CIZ1: variants seen among roughly 807,000 people sequenced by gnomAD.
CIZ1 encodes CDKN1A interacting zinc finger protein 1.
In CIZ1, 58 loss-of-function variants were observed where a neutral mutation model predicts 118.6. The ratio of observed to expected loss-of-function variants is 0.49; its 90% CI spans 0.40 to 0.61. CIZ1 has a LOEUF of 0.61. Ranked by LOEUF, CIZ1 falls within the 20% of genes least tolerant of loss-of-function variation. The probability of loss-of-function intolerance (pLI) is 0.00; values close to 1 mark genes in which losing one functional copy is unlikely to be tolerated. For missense variants in CIZ1, 921 were observed against 1,115.9 expected (o/e 0.83, Z 2.49); for synonymous variants, 448 against 443.4 (o/e 1.01, Z -0.13).
At chr9:128,189,323 T>C (rs1832840021) in intron 3 of CIZ1, among the ~76,000 whole-genome samples, 1 of 152,208 alleles carries the variant, frequency 6.6e-6, no homozygotes, top group Non-Finnish European at 1.5e-5. Context: ...TCTCTCTCTC[T>C]ACCTACCTGC....
At chr9:128,181,399 A>G (rs1260636819) in intron 5 of CIZ1, among the ~76,000 whole-genome samples, 1 of 152,240 alleles carries the variant, frequency 6.6e-6, no homozygotes, top group East Asian at 1.9e-4. Flanking sequence ...TTCCAGTATA[A>G]TAAAATATAA....
upstream of CIZ1, among the ~76,000 whole-genome samples, chr9:128,194,355 TC>T (rs1353823368): frequency 1.2e-4 from 9 of 73,426 alleles, no homozygotes; most frequent in African/African-American, 6.3e-4. Flanking sequence ...AGAGCAAAAC[TC>T]CATCTCAAAA....
Position 128,191,314 on chromosome 9 carries a change from A to C in CIZ1, c.-6+118T>G. 3.7e-6 allele frequency: 1 copy of C among 272,802 alleles called. No homozygotes were observed. The allele number at this position is 272,802 out of a possible 1,614,324, so 16.9% of individuals were successfully genotyped here. A position where few individuals can be genotyped will look rare whatever the true frequency, so the allele number is the denominator to read the frequency against. Reference sequence around the variant, plus strand: ...GAGCTCCGTGGGACGGCTTCTCTCCACCACCGCCACCTCCTCGCGCCCCAC... The same window carrying C: ...GAGCTCCGTGGGACGGCTTCTCTCCCCCACCGCCACCTCCTCGCGCCCCAC... On this transcript the variant is annotated intron_variant, in intron 1 of 16. Coordinates refer to ENST00000372938, the MANE Select transcript of CIZ1 (RefSeq NM_001131016.2). The surrounding 1 kb of genome is among the most constrained non-coding windows in gnomAD (Gnocchi z 5.5).
intron 5 of CIZ1, among the ~76,000 whole-genome samples, chr9:128,183,727 C>G (rs1831990666): frequency 6.6e-6 from 1 of 151,598 alleles, no homozygotes; most frequent in Non-Finnish European, 1.5e-5. Flanking sequence ...CATTGTTCTA[C>G]CCTAGTTATG....
chr9:128,174,255 C>G (rs1830590077), intron 11 of CIZ1, among the ~76,000 whole-genome samples: 1 of 152,190 alleles, frequency 6.6e-6, no homozygotes, highest in Non-Finnish European at 1.5e-5. Context: ...ACACCTTATC[C>G]CTGGCCAGGG....
rs764735131 is a variant in CIZ1, at chr9:128,190,865, A to AG, written c.-5-4dup. 6.5e-7 allele frequency: 1 copy of AG among 1,536,770 alleles called. No homozygotes were observed. Among genetic ancestry groups the AG allele is most frequent in the South Asian group, 1.2e-5 (1 of 82,070 alleles). ...CTGCTGCTGGCTGAACATGGTGGCTAGGGGCAGAAAGCAGAGTGAGGCAAG... is the reference window on the plus strand; with the variant it reads ...CTGCTGCTGGCTGAACATGGTGGCTAGGGGGCAGAAAGCAGAGTGAGGCAAG... On this transcript the variant is annotated splice_region_variant and splice_polypyrimidine_tract_variant and intron_variant, in intron 1 of 16. Coordinates refer to ENST00000372938, the MANE Select transcript of CIZ1 (RefSeq NM_001131016.2).
chr9:128,185,920 G>C, intron 4 of CIZ1, 144 bp from the exon 5 acceptor site: 1 of 686,074 alleles, frequency 1.5e-6, no homozygotes, highest in Non-Finnish European at 2.6e-6. Flanking sequence ...CCAAAGGGAA[G>C]AGATGAGAGC....
At position 128,166,899 on chromosome 9, in the gene CIZ1, G is replaced by C. The variant is rs1429251429; in HGVS notation, c.2366-19C>G. ...TCCACACCTGTAGGATGGGATGGCA[G>C]GGTCTGCACTCACATCCCTGTACCA... On this transcript the variant is annotated intron_variant, in intron 15 of 16. Transcript: ENST00000372938. This position sits in a 1 kb window ranked among gnomAD's most constrained non-coding sequence, Gnocchi z 4.4. 1 of 1,614,174 alleles carries C rather than the reference G, an allele frequency of 6.2e-7. No homozygotes were observed. The highest frequency in any genetic ancestry group is 1.1e-5 in the South Asian group (1 of 91,076).
At chr9:128,178,549 C>G in intron 8 of CIZ1, 59 bp from the exon 9 acceptor site, 1 of 1,611,314 alleles carries the variant, frequency 6.2e-7, no homozygotes, top group Non-Finnish European at 8.5e-7. Flanking sequence ...CTGCCTTCTC[C>G]GTCCGCAGCC....
chr9:128,178,737 C>T lies in CIZ1; in HGVS notation c.1470G>A (p.Met490Ile), dbSNP rs371103829. 1.5e-5 allele frequency: 24 copies of T among 1,613,818 alleles called. No individual in the cohort carries two copies. Among genetic ancestry groups the T allele is most frequent in the Non-Finnish European group, 1.8e-5 (21 of 1,179,930 alleles). The change falls in exon 8 of 17, where the codon ATG becomes ATA. Residue 490 changes from methionine (M) to isoleucine (I), a missense_variant. Transcript: ENST00000372938. ...PVVVHVCGLE[M>I]PPDAVEAGGG... ...CACCAGCTTCTACTGCATCAGGTGGCATCTCCAGCCCGCAGACATGAACCA... is the reference window on the plus strand; with the variant it reads ...CACCAGCTTCTACTGCATCAGGTGGTATCTCCAGCCCGCAGACATGAACCA...
chr9:128,179,804 C>G (rs1831344986), intron 7 of CIZ1, among the ~76,000 whole-genome samples: 1 of 152,090 alleles, frequency 6.6e-6, no homozygotes. Flanking sequence ...TCCGGAGTAG[C>G]TGGGATTACA....
At position 128,166,589 on chromosome 9, in the gene CIZ1, C is replaced by T; in HGVS notation, c.2487+170G>A. ...GCCTGGCACTCAGCATCCCCTTGAA[C>T]AATAAGAGCCCAACCCCACCCCAGC... On this transcript the variant is annotated intron_variant, in intron 16 of 16. Transcript: ENST00000372938. The surrounding 1 kb of genome is among the most constrained non-coding windows in gnomAD (Gnocchi z 4.4). The T allele has an allele frequency of 9.9e-7, 1 of 1,012,566 alleles. No individual in the cohort carries two copies. The highest frequency in any genetic ancestry group is 1.6e-5 in the African/African-American group (1 of 62,226). The allele number at this position is 1,012,566 out of a possible 1,614,324, so 62.7% of individuals were successfully genotyped here.
chr9:128,181,460 T>C lies in CIZ1; in HGVS notation c.589-646A>G, dbSNP rs1831603668. Among the ~76,000 whole-genome samples the C allele has an allele frequency of 1.3e-5, 2 of 152,216 alleles. 1 individual carries two copies. Among genetic ancestry groups the C allele is most frequent in the South Asian group, 4.1e-4 (2 of 4,830 alleles). ...GATCTTAGATATGATTATATATGAGTATCATTAATCATTAGTTGGTAGCAA... is the reference window on the plus strand; with the variant it reads ...GATCTTAGATATGATTATATATGAGCATCATTAATCATTAGTTGGTAGCAA... On this transcript the variant is annotated intron_variant, in intron 5 of 16. Coordinates refer to ENST00000372938, the MANE Select transcript of CIZ1 (RefSeq NM_001131016.2).
At position 128,201,516 on chromosome 9, in the gene CIZ1, A is replaced by T. The variant is rs1308653984; in HGVS notation, c.-6+2670T>A. ...CCCAGCCATGATGCCCTCTAGGCAAACATCTATAAACTGCACCCCCTCCTG... is the reference window on the plus strand; with the variant it reads ...CCCAGCCATGATGCCCTCTAGGCAATCATCTATAAACTGCACCCCCTCCTG... On this transcript the variant is annotated intron_variant, in intron 1 of 17. Transcript: ENST00000372948. 2.0e-5 allele frequency among the ~76,000 whole-genome samples: 3 copies of T among 152,232 alleles called. No individual in the cohort carries two copies. The South Asian group carries it at 6.2e-4, about 32-fold the overall frequency.
Position 128,170,065 on chromosome 9 carries a change from G to A in CIZ1, c.1986C>T (p.Tyr662=). Residue 662 remains tyrosine (Y), a synonymous_variant, in exon 12 of 17, where the codon TAC becomes TAT. Coordinates refer to ENST00000372938, the MANE Select transcript of CIZ1 (RefSeq NM_001131016.2). ...GGTGTTGGATCAGGTCCCCCATGTA[G>A]TAGAGCTGGCAGGTGTTGCACCAGC... ...PRRWCNTCQL[Y]YMGDLIQHRR... The A allele has an allele frequency of 3.1e-6, 5 of 1,614,120 alleles. No individual in the cohort carries two copies. Among genetic ancestry groups the A allele is most frequent in the Non-Finnish European group, 4.2e-6 (5 of 1,180,022 alleles).
rs1010505706 is a variant in CIZ1, at chr9:128,180,747, G to A, written c.656C>T (p.Ala219Val). 16 of 1,609,486 alleles carry A rather than the reference G, an allele frequency of 9.9e-6. No individual in the cohort carries two copies. Among genetic ancestry groups the A allele is most frequent in the Non-Finnish European group, 1.3e-5 (15 of 1,178,716 alleles). The change falls in exon 6 of 17, where the codon GCA becomes GTA. Residue 219 changes from alanine (A) to valine (V), a missense_variant. Coordinates refer to ENST00000372938, the MANE Select transcript of CIZ1 (RefSeq NM_001131016.2). ...SDPPEGSEEA[A>V]EPRMDTPEDQ... ...TTCTGGTGTGTCCATCCGGGGCTCT[G>A]CGGCTTCCTCAGACCCCTCTGGGGG...
rs368004153 is a variant in CIZ1, at chr9:128,166,732, G to T, written c.2487+27C>A. 62 of 1,614,110 alleles carry T rather than the reference G, an allele frequency of 3.8e-5. No homozygotes were observed. The highest frequency in any genetic ancestry group is 5.0e-5 in the Non-Finnish European group (59 of 1,179,978). On this transcript the variant is annotated intron_variant, in intron 16 of 16. Transcript: ENST00000372938. This position sits in a 1 kb window ranked among gnomAD's most constrained non-coding sequence, Gnocchi z 4.4. The stretch of plus-strand genomic sequence containing the variant: ...ATTAAGACTAAGTCTGTGGCCAGGG[G>T]AGGACAGGGCAGGATGTCCGGCTCA...
In CIZ1 at chr9:128,203,369, C is replaced by A; in HGVS notation, c.-6+817G>T. 8.6e-7 allele frequency: 1 copy of A among 1,156,970 alleles called. No homozygotes were observed. The highest frequency in any genetic ancestry group is 1.1e-6 in the Non-Finnish European group (1 of 914,818). The allele number at this position is 1,156,970 out of a possible 1,614,324, so 71.7% of individuals were successfully genotyped here. On this transcript the variant is annotated intron_variant, in intron 1 of 17. Coordinates refer to the CIZ1 transcript ENST00000372948. The surrounding 1 kb of genome is among the most constrained non-coding windows in gnomAD (Gnocchi z 5.3). ...CGATCCCCGAGGGGCGGGGGCCCCGCGGCGCAGGCAGTCTGGGCGCGCGGC... is the reference window on the plus strand; with the variant it reads ...CGATCCCCGAGGGGCGGGGGCCCCGAGGCGCAGGCAGTCTGGGCGCGCGGC...
chr9:128,174,566 G>A (rs570191135), intron 11 of CIZ1, among the ~76,000 whole-genome samples: 45 of 152,174 alleles, frequency 3.0e-4, no homozygotes, highest in African/African-American at 9.6e-4. Flanking sequence ...TTACAACCGC[G>A]AAGAACCCCC....
Sources: allele counts gnomAD v4.1 joint callset (sites outside exome capture counted in the v4.1 genomes callset), GRCh38; gene constraint gnomAD v4.1.1; non-coding constraint Gnocchi (gnomAD v3.1); transcripts MANE v1.5; gene names NCBI Gene and HGNC (gene_info 2026-07-23, HGNC 2026-07-21).